CYP2C19: variants seen among roughly 807,000 people sequenced by gnomAD.
The protein encoded by CYP2C19 is cytochrome P450 family 2 subfamily C member 19.
Under a neutral mutation model 40.9 loss-of-function variants are expected in CYP2C19, and 59 were observed. That is an observed-to-expected ratio of 1.44 (90% CI 1.17 to 1.79). CYP2C19 has a LOEUF of 1.79. CYP2C19 is among the 40% of genes most tolerant of loss of function. The pLI, the probability that CYP2C19 is intolerant of heterozygous loss-of-function variation, is 0.00. For synonymous variants in CYP2C19, 253 were observed against 208.7 expected, an observed-to-expected ratio of 1.21 and a Z score of -1.83; for missense variants, 754 against 596.9, an observed-to-expected ratio of 1.26 and a Z score of -2.74.
intron 1 of CYP2C19, among the ~76,000 whole-genome samples, chr10:94,772,473 G>A (rs1425771045): frequency 6.6e-6 from 1 of 152,140 alleles, no homozygotes; most frequent in Non-Finnish European, 1.5e-5. Context: ...GAGGAAGTTT[G>A]TCTGGCAGGC....
chr10:94,834,954 G>T (rs192162427), intron 6 of CYP2C19, among the ~76,000 whole-genome samples: 1 of 152,130 alleles, frequency 6.6e-6, no homozygotes, highest in Non-Finnish European at 1.5e-5. Context: ...GACTGCTCTA[G>T]CTGCTTCCTG....
chr10:94,775,911 G>C (rs1848401715), intron 3 of CYP2C19: 2 of 295,774 alleles, frequency 6.8e-6, no homozygotes, highest in Non-Finnish European at 1.3e-5. Flanking sequence ...TTGACAAGTG[G>C]ACATGGTGGA....
intron 6 of CYP2C19, among the ~76,000 whole-genome samples, chr10:94,830,427 G>A (rs1019812325): frequency 1.9e-4 from 29 of 152,268 alleles, no homozygotes; most frequent in South Asian, 4.1e-4. Flanking sequence ...TCCAGGTGCC[G>A]TCTGTCACCC....
intron 6 of CYP2C19, among the ~76,000 whole-genome samples, chr10:94,833,059 A>T (rs190903241): frequency 1.5e-4 from 23 of 151,938 alleles, no homozygotes; most frequent in Admixed American, 1.1e-3. Flanking sequence ...TCTTTTTCTC[A>T]TTGTTCACTG....
At chr10:94,818,071 G>T (rs1203839820) in intron 5 of CYP2C19, among the ~76,000 whole-genome samples, 1 of 149,282 alleles carries the variant, frequency 6.7e-6, no homozygotes, top group East Asian at 2.0e-4. Flanking sequence ...TTTGTATAAG[G>T]TGTAAGGAAG....
At chr10:94,842,250 T>C (rs751172548) in intron 6 of CYP2C19, among the ~76,000 whole-genome samples, 8 of 152,220 alleles carry the variant, frequency 5.3e-5, no homozygotes, top group Non-Finnish European at 1.2e-4. Context: ...TCATATTCTT[T>C]GTCTCTTCTT....
At chr10:94,829,049 G>A (rs1259701042) in intron 6 of CYP2C19, among the ~76,000 whole-genome samples, 3 of 152,172 alleles carry the variant, frequency 2.0e-5, no homozygotes, top group Non-Finnish European at 2.9e-5. Context: ...AGTCAGATGG[G>A]CTTCCCTTTG....
intron 6 of CYP2C19, among the ~76,000 whole-genome samples, chr10:94,831,449 A>C (rs900220933): frequency 6.6e-6 from 1 of 152,154 alleles, no homozygotes; most frequent in Non-Finnish European, 1.5e-5. Flanking sequence ...CTTACAATAT[A>C]TATTTTTAGT....
chr10:94,792,997 G>T (rs1486284597), intron 5 of CYP2C19, among the ~76,000 whole-genome samples: 1 of 152,124 alleles, frequency 6.6e-6, no homozygotes, highest in African/African-American at 2.4e-5. Context: ...ACACCAATCA[G>T]ATGTAGATTT....
At chr10:94,791,379 G>T (rs1256084222) in intron 5 of CYP2C19, among the ~76,000 whole-genome samples, 3 of 152,008 alleles carry the variant, frequency 2.0e-5, no homozygotes, top group African/African-American at 7.2e-5. Flanking sequence ...GTTCTGCTCT[G>T]ATCTTAGTTA....
At chr10:94,803,404 C>G (rs1426198689) in intron 5 of CYP2C19, among the ~76,000 whole-genome samples, 5 of 152,130 alleles carry the variant, frequency 3.3e-5, no homozygotes, top group African/African-American at 4.8e-5. Flanking sequence ...GACTTGTGAG[C>G]AAAAGCCAGC....
chr10:94,801,471 C>T (rs1589359352), intron 5 of CYP2C19, among the ~76,000 whole-genome samples: 4 of 152,218 alleles, frequency 2.6e-5, no homozygotes, highest in East Asian at 3.9e-4. Context: ...TTTGTTATGA[C>T]TTCCATTCTT....
At chr10:94,834,231 G>A (rs1043697718) in intron 6 of CYP2C19, among the ~76,000 whole-genome samples, 6 of 152,104 alleles carry the variant, frequency 3.9e-5, no homozygotes, top group Non-Finnish European at 5.9e-5. Context: ...ATCTCAATAG[G>A]TCATATATGT....
intron 6 of CYP2C19, among the ~76,000 whole-genome samples, chr10:94,827,617 C>G (rs1849250903): frequency 6.6e-6 from 1 of 152,120 alleles, no homozygotes; most frequent in Non-Finnish European, 1.5e-5. Context: ...AAAACCAGCT[C>G]CTGGATTCAT....
intron 6 of CYP2C19, among the ~76,000 whole-genome samples, chr10:94,838,511 A>G (rs1849439692): frequency 6.6e-6 from 1 of 152,134 alleles, no homozygotes; most frequent in African/African-American, 2.4e-5. Flanking sequence ...TTTAAGTCTG[A>G]GAGAGAAAAA....
rs369812900 is a variant in CYP2C19 at position 94,834,940 on chromosome 10, C to T, written c.962-7897C>T. Reference sequence around the variant, plus strand: ...CCCAAGTGCTGTTGGGGAGGTTGGCCGACGACTGCTCTAGCTGCTTCCTGC... The same window carrying T: ...CCCAAGTGCTGTTGGGGAGGTTGGCTGACGACTGCTCTAGCTGCTTCCTGC... On this transcript the variant is annotated intron_variant, in intron 6 of 8. Transcript: ENST00000371321. 1.1e-4 allele frequency among the ~76,000 whole-genome samples: 17 copies of T among 152,192 alleles called. 1 individual carries two copies. In the South Asian group the frequency reaches 2.9e-3, roughly 26 times the overall value.
chr10:94,818,034 AAAT>A (rs1849038959), intron 5 of CYP2C19, among the ~76,000 whole-genome samples: 1 of 149,770 alleles, frequency 6.7e-6, no homozygotes, highest in African/African-American at 2.5e-5. Flanking sequence ...AAAAAAAAAA[AAAT>A]CTTTAATCCA....
intron 3 of CYP2C19, chr10:94,776,085 G>A (rs1848405369): frequency 6.3e-6 from 1 of 158,590 alleles, no homozygotes; most frequent in African/African-American, 2.4e-5. Context: ...TTATTGCTTA[G>A]GCATATCTTA....
At position 94,820,617 on chromosome 10, in the gene CYP2C19, T is replaced by G. The variant is rs756422776; in HGVS notation, c.941T>G (p.Leu314Arg). Residue 314 changes from leucine to arginine, a missense_variant, in exon 6 of 9, where the codon CTG becomes CGG. Leu to Arg is a moderately radical substitution (Grantham distance 102, BLOSUM62 -2). Transcript: ENST00000371321. ...TTLRYALLLL[L>R]KHPEVTAKVQ... ...CTGAGATATGCTCTCCTTCTCCTGCTGAAGCACCCAGAGGTCACAGGTATG... is the reference window on the plus strand; with the variant it reads ...CTGAGATATGCTCTCCTTCTCCTGCGGAAGCACCCAGAGGTCACAGGTATG... The G allele has an allele frequency of 8.1e-6, 13 of 1,614,080 alleles. No individual in the cohort carries two copies. The highest frequency in any genetic ancestry group is 1.3e-5 in the African/African-American group (1 of 74,948).
Sources: allele counts gnomAD v4.1 joint callset (sites outside exome capture counted in the v4.1 genomes callset), GRCh38; gene constraint gnomAD v4.1.1; transcripts MANE v1.5; gene names NCBI Gene and HGNC (gene_info 2026-07-23, HGNC 2026-07-21).